DCN: variants seen among roughly 807,000 people sequenced by gnomAD.
The protein encoded by DCN is bone proteoglycan II.
DCN carries 17 observed loss-of-function variants against 36.5 expected under a neutral mutation model. The observed-to-expected ratio is 0.47, with a 90% CI of 0.32 to 0.70. The LOEUF is 0.70. DCN is among the 30% of genes least tolerant of loss of function. DCN has a pLI of 0.04. For synonymous variants in DCN, 163 were observed against 161.4 expected, an observed-to-expected ratio of 1.01 and a Z score of -0.07; for missense variants, 389 against 430.1, an observed-to-expected ratio of 0.90 and a Z score of 0.84.
At chr12:91,178,623 G>T in intron 1 of DCN, 38 bp from the exon 2 acceptor site, 1 of 1,275,936 alleles carries the variant, frequency 7.8e-7, no homozygotes, top group Non-Finnish European at 1.1e-6. Flanking sequence ...GAGTAGCACT[G>T]CCTAATCTGT....
At chr12:91,170,062 TA>T (rs397850822) in intron 2 of DCN, among the ~76,000 whole-genome samples, 5,360 of 124,772 alleles carry the variant, frequency 0.043, 275 homozygotes, top group African/African-American at 0.14. Context: ...AGACTCTGTC[TA>T]AAAAAAAAAA....
At chr12:91,167,398 T>TA (rs143269154) in intron 2 of DCN, among the ~76,000 whole-genome samples, 9,700 of 142,818 alleles carry the variant, frequency 0.068, 408 homozygotes, top group African/African-American at 0.12. Flanking sequence ...CATATCAAAA[T>TA]AAAAAAAAAA....
rs139268423 is a variant in DCN, at chr12:91,177,205, G to T, written c.211+1137C>A. ...AACATTTGTATTTGGGTTTTAAATA[G>T]CTATACAATATATGTGTTGAAGAAG... On this transcript the variant is annotated intron_variant, in intron 2 of 7. Transcript: ENST00000052754. 3.2e-4 allele frequency: 64 copies of T among 199,570 alleles called. 1 individual carries two copies. In the East Asian group the frequency reaches 7.6e-3, roughly 24 times the overall value. The allele number at this position is 199,570 out of a possible 1,614,324, so 12.4% of individuals were successfully genotyped here.
intron 2 of DCN, chr12:91,172,762 G>A (rs546834133): frequency 1.9e-5 from 13 of 699,976 alleles, no homozygotes; most frequent in South Asian, 7.4e-5. Context: ...GCATATGTTC[G>A]TGTATTCATT....
At chr12:91,155,447 G>A (rs1328126739) in intron 5 of DCN, among the ~76,000 whole-genome samples, 1 of 152,074 alleles carries the variant, frequency 6.6e-6, no homozygotes, top group Non-Finnish European at 1.5e-5. Context: ...GAATACCTGG[G>A]ATAGATAGAA....
chr12:91,157,493 T>C lies in DCN; in HGVS notation c.539-305A>G, dbSNP rs1881864618. Among the ~76,000 whole-genome samples the C allele has an allele frequency of 2.6e-5, 4 of 152,138 alleles. No homozygotes were observed. The South Asian group carries it at 8.3e-4, about 32-fold the overall frequency. On this transcript the variant is annotated intron_variant, in intron 4 of 7. Coordinates refer to ENST00000052754, the MANE Select transcript of DCN (RefSeq NM_001920.5). ...ATGCATACACAGGTTTGCCCAGAAATCAACTAAAGCAAGTTTACAATTCCC... is the reference window on the plus strand; with the variant it reads ...ATGCATACACAGGTTTGCCCAGAAACCAACTAAAGCAAGTTTACAATTCCC...
intron 2 of DCN, among the ~76,000 whole-genome samples, chr12:91,171,646 GC>G (rs1882962745): frequency 1.3e-5 from 2 of 152,184 alleles, no homozygotes; most frequent in African/African-American, 4.8e-5. Context: ...GCTGTCTGAG[GC>G]AATCCAGAGG....
intron 3 of DCN, among the ~76,000 whole-genome samples, chr12:91,162,804 T>A (rs764963967): frequency 6.6e-6 from 1 of 152,238 alleles, no homozygotes; most frequent in Non-Finnish European, 1.5e-5. Context: ...TGTCATCTTG[T>A]AGTTGAAACA....
At chr12:91,165,136 C>T (rs1206346054) in intron 2 of DCN, among the ~76,000 whole-genome samples, 1 of 152,164 alleles carries the variant, frequency 6.6e-6, no homozygotes, top group African/African-American at 2.4e-5. Context: ...CTAGCCAAAT[C>T]ATCAGTAATA....
chr12:91,167,856 T>C (rs1027470153), intron 2 of DCN, among the ~76,000 whole-genome samples: 1 of 152,208 alleles, frequency 6.6e-6, no homozygotes, highest in Non-Finnish European at 1.5e-5. Context: ...GTTTTTTTGT[T>C]TGAGACAAGA....
intron 5 of DCN, among the ~76,000 whole-genome samples, chr12:91,156,231 C>G (rs1050631856): frequency 5.3e-5 from 8 of 152,134 alleles, no homozygotes; most frequent in Non-Finnish European, 1.0e-4. Flanking sequence ...GTGTATTTGT[C>G]TGGCTTGGTT....
chr12:91,165,058 A>T (rs996661466), intron 2 of DCN, among the ~76,000 whole-genome samples: 1 of 152,178 alleles, frequency 6.6e-6, no homozygotes, highest in African/African-American at 2.4e-5. Flanking sequence ...AGTTATTTTG[A>T]TAAGTAGTCA....
At chr12:91,147,342 C>A (rs891144546) in intron 7 of DCN, among the ~76,000 whole-genome samples, 1 of 152,218 alleles carries the variant, frequency 6.6e-6, no homozygotes, top group Non-Finnish European at 1.5e-5. Flanking sequence ...ACCAGAGAGA[C>A]CTTCCCTGAC....
intron 3 of DCN, among the ~76,000 whole-genome samples, chr12:91,161,771 T>C (rs1882169094): frequency 6.6e-6 from 1 of 152,200 alleles, no homozygotes; most frequent in Non-Finnish European, 1.5e-5. Flanking sequence ...CTGCTGATCG[T>C]CTAAAACTCC....
intron 7 of DCN, among the ~76,000 whole-genome samples, chr12:91,148,462 A>T (rs1365454689): frequency 2.0e-5 from 3 of 152,040 alleles, no homozygotes; most frequent in Admixed American, 6.6e-5. Context: ...TTATGTCTGT[A>T]ATCTCAGCAC....
In DCN at chr12:91,154,825, T is replaced by C. The variant is rs570327193; in HGVS notation, c.653-1636A>G. Among the ~76,000 whole-genome samples, 4 of 152,284 alleles carry C rather than the reference T, an allele frequency of 2.6e-5. No homozygotes were observed. The South Asian group carries it at 8.3e-4, about 32-fold the overall frequency. On this transcript the variant is annotated intron_variant, in intron 5 of 7. Coordinates refer to ENST00000052754, the MANE Select transcript of DCN (RefSeq NM_001920.5). ...TATAGAGTAATCCTCACAATAATCC[T>C]AGTAGACAGGGTTATTAATAGCTCC...
At chr12:91,146,452 G>A (rs1016968550) in intron 7 of DCN, among the ~76,000 whole-genome samples, 200 bp from the exon 8 acceptor site, 4 of 148,558 alleles carry the variant, frequency 2.7e-5, no homozygotes, top group Non-Finnish European at 5.9e-5. Flanking sequence ...TGCCTCACAG[G>A]TTGAAGCTAT....
chr12:91,163,359 C>T (rs1451944942), intron 3 of DCN, among the ~76,000 whole-genome samples: 1 of 152,170 alleles, frequency 6.6e-6, no homozygotes, highest in Non-Finnish European at 1.5e-5. Context: ...GGGAAGCTGA[C>T]CTCTGGGGAA....
At chr12:91,170,303 G>A (rs1882876530) in intron 2 of DCN, among the ~76,000 whole-genome samples, 1 of 152,054 alleles carries the variant, frequency 6.6e-6, no homozygotes, top group Non-Finnish European at 1.5e-5. Context: ...TTATTCATCT[G>A]TAACTCTTTC....
Sources: gnomAD v4.1 joint callset for allele counts (sites outside exome capture counted in the v4.1 genomes callset) on GRCh38, gnomAD v4.1.1 for gene constraint, MANE v1.5 for transcripts, NCBI Gene and HGNC (gene_info 2026-07-23, HGNC 2026-07-21) for gene names.